SAMD4A: variants seen among roughly 807,000 people sequenced by gnomAD.
The protein encoded by SAMD4A is protein Smaug homolog 1.
In SAMD4A, 33 loss-of-function variants were observed where a neutral mutation model predicts 81.3. The ratio of observed to expected loss-of-function variants is 0.41; its 90% CI spans 0.31 to 0.54. The LOEUF (loss-of-function observed/expected upper bound fraction) is 0.54, where lower values mean the gene tolerates loss of function less well. Ranked by LOEUF, SAMD4A falls within the 20% of genes least tolerant of loss-of-function variation. SAMD4A has a pLI of 0.37. For missense variants in SAMD4A, 854 were observed against 951.1 expected (o/e 0.90, Z 1.34); for synonymous variants, 389 against 382.1 (o/e 1.02, Z -0.21).
At chr14:54,576,001 CTTTTTTTTTTTTTTTTTTTTT>C (rs57819180) in intron 2 of SAMD4A, among the ~76,000 whole-genome samples, 7 of 80,026 alleles carry the variant, frequency 8.7e-5, no homozygotes, top group Admixed American at 3.2e-4. Context: ...TTCTTTCTTT[CTTTTTTTTTTTTTTTTTTTTT>C]TTTTTTTTTT....
chr14:54,575,825 A>G (rs1026222902), intron 2 of SAMD4A, among the ~76,000 whole-genome samples: 3 of 152,148 alleles, frequency 2.0e-5, no homozygotes, highest in African/African-American at 7.2e-5. Context: ...TACTGCTCTC[A>G]GCAATAATTC....
chr14:54,592,714 C>T (rs900892319), intron 2 of SAMD4A, among the ~76,000 whole-genome samples: 3 of 152,318 alleles, frequency 2.0e-5, no homozygotes, highest in Admixed American at 6.5e-5. Context: ...CTGTCTTGGC[C>T]TCCCAAAGTG....
At chr14:54,643,618 C>G (rs1056198018) in intron 2 of SAMD4A, among the ~76,000 whole-genome samples, 2 of 152,182 alleles carry the variant, frequency 1.3e-5, no homozygotes, top group Non-Finnish European at 2.9e-5. Flanking sequence ...AGCCGGTAGG[C>G]AAGAGTCGGT....
chr14:54,711,106 C>T (rs1201103276), intron 3 of SAMD4A, among the ~76,000 whole-genome samples: 1 of 152,122 alleles, frequency 6.6e-6, no homozygotes, highest in Non-Finnish European at 1.5e-5. Context: ...ACAGTAGGGA[C>T]TTAATAAATT....
chr14:54,717,638 C>G (rs1415529134), intron 3 of SAMD4A, among the ~76,000 whole-genome samples: 2 of 152,032 alleles, frequency 1.3e-5, no homozygotes, highest in Non-Finnish European at 2.9e-5. Context: ...GCTCTAAATT[C>G]ACCTGGAATC....
intron 2 of SAMD4A, among the ~76,000 whole-genome samples, chr14:54,609,046 G>A (rs889902269): frequency 6.6e-6 from 1 of 152,242 alleles, no homozygotes; most frequent in African/African-American, 2.4e-5. Flanking sequence ...TCTCAGAGAT[G>A]TGTATGTCCT....
intron 2 of SAMD4A, among the ~76,000 whole-genome samples, chr14:54,637,705 A>G (rs1323191787): frequency 1.3e-5 from 2 of 152,190 alleles, no homozygotes; most frequent in Non-Finnish European, 2.9e-5. Context: ...CTCACAAGAC[A>G]GAGAGGAATG....
intron 2 of SAMD4A, among the ~76,000 whole-genome samples, chr14:54,650,236 C>A (rs2035374532): frequency 6.6e-6 from 1 of 152,202 alleles, no homozygotes; most frequent in African/African-American, 2.4e-5. Flanking sequence ...GTTGATAAAC[C>A]TTTACATCAT....
chr14:54,655,506 C>T (rs1202584798), intron 2 of SAMD4A, among the ~76,000 whole-genome samples: 3 of 151,718 alleles, frequency 2.0e-5, no homozygotes, highest in African/African-American at 7.3e-5. Flanking sequence ...CTGAGGCAGG[C>T]GGATCACCTG....
intron 2 of SAMD4A, 112 bp from the exon 3 acceptor site, chr14:54,701,950 T>C (rs1452113061): frequency 2.5e-6 from 3 of 1,183,516 alleles, no homozygotes; most frequent in Non-Finnish European, 3.5e-6. Flanking sequence ...TGAGAAAATA[T>C]AGCCAGACTA....
At chr14:54,596,093 T>C (rs1262285297) in intron 2 of SAMD4A, among the ~76,000 whole-genome samples, 3 of 152,130 alleles carry the variant, frequency 2.0e-5, no homozygotes, top group Non-Finnish European at 4.4e-5. Context: ...AACTAGATAA[T>C]GGTATGTGGC....
chr14:54,602,739 A>G (rs1254831647), intron 2 of SAMD4A, among the ~76,000 whole-genome samples: 1 of 152,070 alleles, frequency 6.6e-6, no homozygotes, highest in African/African-American at 2.4e-5. Flanking sequence ...CGGCACATGT[A>G]TACATATGTA....
chr14:54,598,249 C>A (rs2033964233), intron 2 of SAMD4A, among the ~76,000 whole-genome samples: 1 of 152,198 alleles, frequency 6.6e-6, no homozygotes, highest in African/African-American at 2.4e-5. Flanking sequence ...CCTTGCGTAA[C>A]ATAGCTGTTA....
chr14:54,772,805 T>G (rs917390324), intron 9 of SAMD4A, among the ~76,000 whole-genome samples: 2 of 150,188 alleles, frequency 1.3e-5, no homozygotes, highest in African/African-American at 4.9e-5. Context: ...GGACTAGTTT[T>G]CGTCATTAAA....
intron 2 of SAMD4A, among the ~76,000 whole-genome samples, chr14:54,680,888 G>T (rs762700234): frequency 1.3e-5 from 2 of 152,188 alleles, no homozygotes; most frequent in African/African-American, 4.8e-5. Context: ...CACCCTGCCA[G>T]CGGAGCCAGA....
rs757053571 is a variant in SAMD4A at position 54,580,855 on chromosome 14, G to A, written c.196+12743G>A. Among the ~76,000 whole-genome samples, 54 of 152,138 alleles carry A rather than the reference G, an allele frequency of 3.5e-4. 1 individual carries two copies. Among genetic ancestry groups the A allele is most frequent in the South Asian group, 1.9e-3 (9 of 4,826 alleles). On this transcript the variant is annotated intron_variant, in intron 2 of 12. Transcript: ENST00000554335. ...CTCAGAACGTTTTCGTTGAAAGAGC[G>A]GATGAATGAATTTAAAGAAATTTAA...
intron 3 of SAMD4A, among the ~76,000 whole-genome samples, chr14:54,725,152 G>C (rs1020452067): frequency 6.6e-6 from 1 of 152,174 alleles, no homozygotes; most frequent in East Asian, 1.9e-4. Flanking sequence ...ACACGTAATA[G>C]GTTCTCAGCC....
chr14:54,591,358 T>C (rs1484092807), intron 2 of SAMD4A, among the ~76,000 whole-genome samples: 4 of 152,176 alleles, frequency 2.6e-5, no homozygotes. Flanking sequence ...CCAAGGGTGC[T>C]AGAAATCAGG....
intron 2 of SAMD4A, among the ~76,000 whole-genome samples, chr14:54,648,915 G>C (rs2035344658): frequency 6.6e-6 from 1 of 152,170 alleles, no homozygotes; most frequent in Non-Finnish European, 1.5e-5. Flanking sequence ...CGGTGGCTCA[G>C]ACAGGATAGC....
Sources: allele counts gnomAD v4.1 joint callset (sites outside exome capture counted in the v4.1 genomes callset), GRCh38; gene constraint gnomAD v4.1.1; transcripts MANE v1.5; gene names NCBI Gene and HGNC (gene_info 2026-07-23, HGNC 2026-07-21).